PPFIA1: variants seen among roughly 807,000 people sequenced by gnomAD.
The protein encoded by PPFIA1 is liprin-alpha-1.
In PPFIA1, 25 loss-of-function variants were observed where a neutral mutation model predicts 149.9. The ratio of observed to expected loss-of-function variants is 0.17; its 90% CI spans 0.12 to 0.23. The LOEUF (loss-of-function observed/expected upper bound fraction) is 0.23. PPFIA1 is among the 10% of genes least tolerant of loss of function. PPFIA1 has a pLI of 1.00. For synonymous variants in PPFIA1, 549 were observed against 552.8 expected, an observed-to-expected ratio of 0.99 and a Z score of 0.10; for missense variants, 1,362 against 1,506.5, an observed-to-expected ratio of 0.90 and a Z score of 1.59.
At chr11:70,356,045 CT>C in intron 18 of PPFIA1, 115 bp from the exon 19 acceptor site, 1 of 1,062,496 alleles carries the variant, frequency 9.4e-7, no homozygotes, top group Non-Finnish European at 1.4e-6. Flanking sequence ...TAGTCAGAAA[CT>C]TAGCCTTAAG....
intron 2 of PPFIA1, among the ~76,000 whole-genome samples, chr11:70,303,687 C>A (rs542324865): frequency 5.9e-5 from 9 of 152,144 alleles, no homozygotes; most frequent in Non-Finnish European, 1.3e-4. Context: ...GACTGGCTAC[C>A]CCCTAGGTAG....
intron 11 of PPFIA1, 104 bp from the exon 12 acceptor site, chr11:70,337,261 C>A: frequency 1.3e-6 from 1 of 764,928 alleles, no homozygotes; most frequent in East Asian, 3.0e-5. Context: ...TCTTTTACTC[C>A]GTTCCCTTTG....
chr11:70,310,271 G>C (rs2053168937), intron 2 of PPFIA1, among the ~76,000 whole-genome samples: 1 of 152,026 alleles, frequency 6.6e-6, no homozygotes, highest in Non-Finnish European at 1.5e-5. Context: ...GGTTTCTCAG[G>C]TTTGACCTTC....
intron 2 of PPFIA1, among the ~76,000 whole-genome samples, chr11:70,281,844 C>A (rs938530846): frequency 5.3e-5 from 8 of 152,188 alleles, no homozygotes; most frequent in Non-Finnish European, 1.2e-4. Flanking sequence ...ACTTTCAAGT[C>A]ATACTCACCT....
At chr11:70,300,320 G>T (rs1041558352) in intron 2 of PPFIA1, among the ~76,000 whole-genome samples, 3 of 152,122 alleles carry the variant, frequency 2.0e-5, no homozygotes, top group African/African-American at 7.2e-5. Flanking sequence ...GCTTGGGGCT[G>T]ATTTTACTAT....
intron 19 of PPFIA1, among the ~76,000 whole-genome samples, chr11:70,361,035 C>T (rs548432740): frequency 6.6e-6 from 1 of 152,102 alleles, no homozygotes; most frequent in Non-Finnish European, 1.5e-5. Context: ...TCTGAAATAC[C>T]TATGTTAGAG....
At chr11:70,365,241 C>A in intron 21 of PPFIA1, 1 of 357,544 alleles carries the variant, frequency 2.8e-6, no homozygotes, top group Non-Finnish European at 5.7e-6. Flanking sequence ...GGCATCTGAA[C>A]TGAAAAGTGA....
chr11:70,288,481 T>C (rs2136181793), intron 2 of PPFIA1, among the ~76,000 whole-genome samples: 1 of 152,204 alleles, frequency 6.6e-6, no homozygotes, highest in Admixed American at 6.5e-5. Context: ...CTCCTTTGAC[T>C]CTTTCTCTGC....
At chr11:70,284,144 T>C in intron 2 of PPFIA1, 1 of 435,786 alleles carries the variant, frequency 2.3e-6, no homozygotes, top group African/African-American at 2.1e-5. Context: ...TTAGGAAGAA[T>C]TGGAATAAGG....
At chr11:70,277,351 A>G (rs2050472153) in intron 2 of PPFIA1, among the ~76,000 whole-genome samples, 1 of 151,504 alleles carries the variant, frequency 6.6e-6, no homozygotes, top group Non-Finnish European at 1.5e-5. Flanking sequence ...TTAATTTTAG[A>G]TATACTTTTG....
At chr11:70,325,679 C>T in intron 5 of PPFIA1, 105 bp downstream of exon 5, 1 of 888,356 alleles carries the variant, frequency 1.1e-6, no homozygotes, top group Non-Finnish European at 1.8e-6. Flanking sequence ...CACCTGTCAT[C>T]CCAGCACTTT....
chr11:70,326,969 G>A (rs2054335308), intron 7 of PPFIA1, 151 bp downstream of exon 7: 1 of 691,536 alleles, frequency 1.4e-6, no homozygotes, highest in Non-Finnish European at 2.4e-6. Context: ...AAGAGAGAGT[G>A]CTGTGAAACT....
At chr11:70,312,312 C>T (rs995002879) in intron 2 of PPFIA1, among the ~76,000 whole-genome samples, 2 of 151,500 alleles carry the variant, frequency 1.3e-5, no homozygotes, top group African/African-American at 4.9e-5. Flanking sequence ...CACGTCAGCC[C>T]GCAAAGTAGC....
At chr11:70,381,879 C>T (rs997745454) in intron 26 of PPFIA1, among the ~76,000 whole-genome samples, 9 of 152,206 alleles carry the variant, frequency 5.9e-5, no homozygotes, top group African/African-American at 1.4e-4. Context: ...CAGAGTCTCC[C>T]GGGGCTCTTT....
chr11:70,365,274 G>A (rs1241217544), intron 21 of PPFIA1: 13 of 393,124 alleles, frequency 3.3e-5, no homozygotes, highest in African/African-American at 1.5e-4. Context: ...TTGCCTCCTC[G>A]GCCCCTTCTC....
intron 2 of PPFIA1, among the ~76,000 whole-genome samples, chr11:70,297,967 G>A (rs977409808): frequency 2.0e-5 from 3 of 152,262 alleles, no homozygotes; most frequent in Middle Eastern, 6.8e-3. Flanking sequence ...GCTGTGCCTC[G>A]AGATCTGAAG....
chr11:70,382,188 A>G, intron 27 of PPFIA1, 30 bp downstream of exon 27: 2 of 1,576,716 alleles, frequency 1.3e-6, no homozygotes, highest in Non-Finnish European at 1.7e-6. Context: ...ACCCCTAGAG[A>G]TGGCTCAGAG....
At chr11:70,303,832 C>A (rs999263576) in intron 2 of PPFIA1, among the ~76,000 whole-genome samples, 2 of 152,238 alleles carry the variant, frequency 1.3e-5, no homozygotes, top group East Asian at 3.9e-4. Context: ...ATGGTGAAAC[C>A]CCGTCTCTAC....
At chr11:70,356,021 G>C (rs66989619) in intron 18 of PPFIA1, 140 bp from the exon 19 acceptor site, 129,933 of 1,011,796 alleles carry the variant, frequency 0.13, 10,260 homozygotes, top group African/African-American at 0.32. Context: ...TTCCGTCTTG[G>C]GCATTTGGTT....
Sources: gnomAD v4.1 joint callset for allele counts (sites outside exome capture counted in the v4.1 genomes callset) on GRCh38, gnomAD v4.1.1 for gene constraint, MANE v1.5 for transcripts, NCBI Gene and HGNC (gene_info 2026-07-23, HGNC 2026-07-21) for gene names.